RGS7: variants seen among roughly 807,000 people sequenced by gnomAD.
RGS7 encodes the protein regulator of G-protein signaling 7.
RGS7 carries 27 observed loss-of-function variants against 81.1 expected under a neutral mutation model. The ratio of observed to expected loss-of-function variants is 0.33; its 90% CI spans 0.25 to 0.46. The LOEUF (loss-of-function observed/expected upper bound fraction) is 0.46. Among genes scored for constraint, RGS7 ranks in the 20% least tolerant of loss-of-function variants. RGS7 has a pLI of 1.00. For synonymous variants in RGS7, 208 were observed against 207.7 expected, an observed-to-expected ratio of 1.00 and a Z score of -0.01; for missense variants, 396 against 607.4, an observed-to-expected ratio of 0.65 and a Z score of 3.66.
chr1:241,302,797 G>A (rs1324065150), intron 2 of RGS7, among the ~76,000 whole-genome samples: 1 of 152,142 alleles, frequency 6.6e-6, no homozygotes, highest in Non-Finnish European at 1.5e-5. Flanking sequence ...TCATTTTGAA[G>A]AAATCTTCTG....
intron 3 of RGS7, among the ~76,000 whole-genome samples, chr1:241,063,473 C>A (rs989710269): frequency 1.3e-5 from 2 of 152,150 alleles, no homozygotes; most frequent in Admixed American, 6.5e-5. Flanking sequence ...GCACTACAGC[C>A]GCTCAGCATG....
chr1:241,108,785 G>A (rs1214959078), intron 2 of RGS7, among the ~76,000 whole-genome samples: 1 of 152,056 alleles, frequency 6.6e-6, no homozygotes, highest in Non-Finnish European at 1.5e-5. Context: ...CTTCATCTTC[G>A]GCGTCAAGAT....
chr1:241,264,363 T>A (rs1293838417), intron 2 of RGS7, among the ~76,000 whole-genome samples: 2 of 152,114 alleles, frequency 1.3e-5, no homozygotes, highest in African/African-American at 4.8e-5. Context: ...CTGGCTGTGG[T>A]GGCGTGCACC....
In RGS7 at chr1:240,799,285, G is replaced by A. The variant is rs868099293; in HGVS notation, c.*6+1356C>T. Among the ~76,000 whole-genome samples the A allele has an allele frequency of 2.2e-5, 3 of 138,154 alleles. No individual in the cohort carries two copies. The South Asian group carries it at 6.5e-4, about 30-fold the overall frequency. 90.6% of individuals were successfully genotyped at this position (138,154 alleles called of 152,430 possible). ...TGTGTGTGTGTGTGTGTGTGTCTAT[G>A]TTTGTGTGTGTGTGTGTGTGTGTGT... On this transcript the variant is annotated intron_variant, in intron 18 of 18. Transcript: ENST00000440928.
intron 2 of RGS7, among the ~76,000 whole-genome samples, chr1:241,182,428 A>AT (rs2071701030): frequency 6.6e-6 from 1 of 152,198 alleles, no homozygotes; most frequent in Non-Finnish European, 1.5e-5. Flanking sequence ...CTTACAAAGC[A>AT]TTTGGGACAC....
intron 4 of RGS7, among the ~76,000 whole-genome samples, chr1:240,975,959 A>G (rs1684008619): frequency 6.6e-6 from 1 of 152,202 alleles, no homozygotes; most frequent in Non-Finnish European, 1.5e-5. Context: ...TGTCCAGGGG[A>G]TTTGTCTTAG....
chr1:240,853,289 A>C (rs1207897603), intron 9 of RGS7, among the ~76,000 whole-genome samples: 3 of 152,242 alleles, frequency 2.0e-5, no homozygotes, highest in Non-Finnish European at 4.4e-5. Flanking sequence ...GGGAATACAG[A>C]CATTTTTAGA....
At chr1:241,266,057 G>C (rs1253499388) in intron 2 of RGS7, among the ~76,000 whole-genome samples, 6 of 152,036 alleles carry the variant, frequency 3.9e-5, no homozygotes, top group Non-Finnish European at 5.9e-5. Flanking sequence ...GCCTCCCAAA[G>C]TGCTGGGATT....
intron 2 of RGS7, among the ~76,000 whole-genome samples, chr1:241,103,371 C>G: frequency 6.6e-6 from 1 of 152,132 alleles, no homozygotes; most frequent in East Asian, 1.9e-4. Flanking sequence ...GGCAGGAGAG[C>G]TGGCATGCCT....
chr1:240,983,052 CT>C (rs1558556356), intron 4 of RGS7, 26 bp downstream of exon 4: 1 of 1,387,920 alleles, frequency 7.2e-7, no homozygotes. Context: ...GAAAAAAGTT[CT>C]TGCAATGGGA....
intron 3 of RGS7, among the ~76,000 whole-genome samples, chr1:240,995,868 G>A (rs1294615760): frequency 1.3e-5 from 2 of 151,496 alleles, no homozygotes; most frequent in African/African-American, 4.8e-5. Flanking sequence ...GGTTTATTTT[G>A]CTCTTCTTCT....
rs117304698 is a variant in RGS7 at position 240,819,984 on chromosome 1, C to T, written c.685-3569G>A. ...GATTGTTGGCTACAATGAAAACAGC[C>T]GAGAAGAATATAATTTTACATATGG... On this transcript the variant is annotated intron_variant, in intron 10 of 18. Coordinates refer to ENST00000440928, the MANE Select transcript of RGS7 (RefSeq NM_001364886.1). Among the ~76,000 whole-genome samples, 185 of 151,932 alleles carry T rather than the reference C, an allele frequency of 1.2e-3. 1 individual carries two copies. The East Asian group carries it at 0.033, about 27-fold the overall frequency.
At chr1:241,098,618 A>G in intron 3 of RGS7, 48 bp downstream of exon 3, 1 of 1,239,614 alleles carries the variant, frequency 8.1e-7, no homozygotes, top group South Asian at 1.2e-5. Context: ...TTAAAGAGTT[A>G]TCTAAGAGGT....
At chr1:241,316,966 T>C (rs998121817) in intron 2 of RGS7, among the ~76,000 whole-genome samples, 2 of 152,240 alleles carry the variant, frequency 1.3e-5, no homozygotes, top group Admixed American at 1.3e-4. Flanking sequence ...ATTAATGCAC[T>C]TTTAAGTTTA....
intron 9 of RGS7, among the ~76,000 whole-genome samples, chr1:240,863,828 C>A (rs1242959933): frequency 6.6e-6 from 1 of 152,122 alleles, no homozygotes; most frequent in Non-Finnish European, 1.5e-5. Context: ...AGCAAAAGGA[C>A]ATATGAAAAC....
intron 2 of RGS7, among the ~76,000 whole-genome samples, chr1:241,325,223 G>A (rs1230149521): frequency 6.6e-6 from 1 of 152,310 alleles, no homozygotes; most frequent in South Asian, 2.1e-4. Flanking sequence ...TTCCTAATAA[G>A]TTGGTGCTCT....
intron 2 of RGS7, among the ~76,000 whole-genome samples, chr1:241,266,046 G>A (rs376150063): frequency 6.6e-5 from 10 of 151,884 alleles, no homozygotes; most frequent in Admixed American, 2.0e-4. Flanking sequence ...CACCTACCTC[G>A]GCCTCCCAAA....
chr1:241,218,769 C>T (rs550918938), intron 2 of RGS7, among the ~76,000 whole-genome samples: 7 of 152,194 alleles, frequency 4.6e-5, no homozygotes, highest in East Asian at 1.9e-4. Flanking sequence ...CTCAGTCTCC[C>T]GAGTAGCTGG....
At chr1:240,959,167 T>C (rs1680934298) in intron 4 of RGS7, among the ~76,000 whole-genome samples, 2 of 152,268 alleles carry the variant, frequency 1.3e-5, no homozygotes, top group Non-Finnish European at 2.9e-5. Context: ...TTTGGACGGA[T>C]ATATTACCTT....
Sources: allele counts gnomAD v4.1 joint callset (sites outside exome capture counted in the v4.1 genomes callset), GRCh38; gene constraint gnomAD v4.1.1; transcripts MANE v1.5; gene names NCBI Gene and HGNC (gene_info 2026-07-23, HGNC 2026-07-21).